NCF2: variants seen among roughly 807,000 people sequenced by gnomAD.
The protein encoded by NCF2 is neutrophil cytosolic factor 2.
A neutral mutation model predicts 70.9 loss-of-function variants in NCF2; 45 were observed. The observed-to-expected ratio is 0.63, with a 90% CI of 0.50 to 0.81. The LOEUF (loss-of-function observed/expected upper bound fraction) is 0.81, where lower values mean the gene tolerates loss of function less well. Ranked by LOEUF, NCF2 falls within the 40% of genes least tolerant of loss-of-function variation. NCF2 has a pLI of 0.00. For missense variants in NCF2, 522 were observed against 631.6 expected, an observed-to-expected ratio of 0.83 and a Z score of 1.86; for synonymous variants, 203 against 233.6, an observed-to-expected ratio of 0.87 and a Z score of 1.19.
intron 10 of NCF2, among the ~76,000 whole-genome samples, 173 bp downstream of exon 10, chr1:183,565,531 T>G (rs1444134984): frequency 6.6e-6 from 1 of 152,084 alleles, no homozygotes; most frequent in Non-Finnish European, 1.5e-5. Flanking sequence ...TGATTTCATG[T>G]TTGGGGTGGG....
intron 2 of NCF2, among the ~76,000 whole-genome samples, chr1:183,579,493 G>A (rs1213779754): frequency 2.6e-5 from 4 of 152,118 alleles, no homozygotes; most frequent in East Asian, 1.9e-4. Flanking sequence ...TTGGGAGACC[G>A]AGGCGGGTGG....
chr1:183,586,707 C>G (rs1353594584), intron 2 of NCF2, among the ~76,000 whole-genome samples, 188 bp downstream of exon 2: 2 of 152,170 alleles, frequency 1.3e-5, no homozygotes, highest in Non-Finnish European at 2.9e-5. Context: ...GGTGGCAGAC[C>G]TGCCTTGCCT....
chr1:183,567,904 G>C (rs567710297), intron 7 of NCF2, among the ~76,000 whole-genome samples: 1 of 152,026 alleles, frequency 6.6e-6, no homozygotes, highest in Non-Finnish European at 1.5e-5. Flanking sequence ...GTGCAGTGTC[G>C]GTTCCCTTAA....
At chr1:183,601,566 T>C in the NCF2 span, among the ~76,000 whole-genome samples, 1 of 152,116 alleles carries the variant, frequency 6.6e-6, no homozygotes, top group Non-Finnish European at 1.5e-5. Context: ...GGTTTTAAAA[T>C]GGTGAATCAG....
chr1:183,588,207 A>C (rs1230292579), intron 1 of NCF2, among the ~76,000 whole-genome samples: 1 of 152,220 alleles, frequency 6.6e-6, no homozygotes, highest in African/African-American at 2.4e-5. Context: ...TAAAGATACA[A>C]TTCCTATCCA....
At chr1:183,580,348 G>A (rs544019933) in intron 2 of NCF2, among the ~76,000 whole-genome samples, 5 of 152,220 alleles carry the variant, frequency 3.3e-5, no homozygotes, top group East Asian at 1.9e-4. Context: ...CCAGAAGTAC[G>A]CCAGAAATCA....
the NCF2 span, among the ~76,000 whole-genome samples, chr1:183,598,953 T>A: frequency 6.6e-6 from 1 of 152,146 alleles, no homozygotes; most frequent in African/African-American, 2.4e-5. Flanking sequence ...ATTCTAGAAG[T>A]GGTATCAAAG....
At chr1:183,589,704 G>C (rs1558108755) in intron 1 of NCF2, among the ~76,000 whole-genome samples, 1 of 152,116 alleles carries the variant, frequency 6.6e-6, no homozygotes, top group Non-Finnish European at 1.5e-5. Flanking sequence ...GCTATTTTTT[G>C]TAAGTGCCTC....
intron 14 of NCF2, among the ~76,000 whole-genome samples, chr1:183,559,419 C>T (rs948304683): frequency 6.6e-6 from 1 of 152,196 alleles, no homozygotes; most frequent in Non-Finnish European, 1.5e-5. Context: ...CTACTTTTCT[C>T]TTTGAAAAGT....
chr1:183,566,874 C>A (rs368741213), intron 9 of NCF2, 46 bp downstream of exon 9: 1 of 1,608,492 alleles, frequency 6.2e-7, no homozygotes, highest in African/African-American at 1.3e-5. Flanking sequence ...AGGGAGAGAT[C>A]CCTAAAGGGT....
intron 1 of NCF2, among the ~76,000 whole-genome samples, chr1:183,587,516 C>T (rs1479099190): frequency 3.5e-5 from 5 of 144,288 alleles, no homozygotes; most frequent in Non-Finnish European, 4.5e-5. Flanking sequence ...ATCGCTCAAG[C>T]CCAGGAGGTG....
chr1:183,568,642 G>A (rs747231701), intron 7 of NCF2, among the ~76,000 whole-genome samples: 1 of 150,386 alleles, frequency 6.6e-6, no homozygotes, highest in Non-Finnish European at 1.5e-5. Flanking sequence ...TGCCGATAGG[G>A]AGTGGAAAAC....
chr1:183,555,747 A>C lies in NCF2; in HGVS notation c.*371T>G. On this transcript the variant is annotated 3_prime_UTR_variant, in exon 15 of 15. Transcript: ENST00000367535. ...AGGTTTTTTTTTATTGTGGTATGAC[A>C]CAGAAAAGTGCACCAAATGTACAGC... 4.1e-6 allele frequency: 1 copy of C among 242,758 alleles called. No individual in the cohort carries two copies. The highest frequency in any genetic ancestry group is 2.2e-5 in the African/African-American group (1 of 44,684). 15.0% of individuals were successfully genotyped at this position (242,758 alleles called of 1,614,324 possible).
chr1:183,556,067 A>T lies in NCF2; in HGVS notation c.*51T>A. ...ACAGCAGAAGGGTGCTAAATCTTAC[A>T]AACAAGTAATAGGGCTTCATTTTCT... On this transcript the variant is annotated 3_prime_UTR_variant, in exon 15 of 15. Coordinates refer to ENST00000367535, the MANE Select transcript of NCF2 (RefSeq NM_000433.4). The T allele has an allele frequency of 6.7e-7, 1 of 1,485,256 alleles. No individual in the cohort carries two copies. The highest frequency in any genetic ancestry group is 9.4e-7 in the Non-Finnish European group (1 of 1,062,776). The allele number at this position is 1,485,256 out of a possible 1,614,324, so 92.0% of individuals were successfully genotyped here. A position where few individuals can be genotyped will look rare whatever the true frequency, so the allele number is the denominator to read the frequency against.
At chr1:183,566,156 C>T (rs1448899471) in intron 9 of NCF2, among the ~76,000 whole-genome samples, 1 of 152,228 alleles carries the variant, frequency 6.6e-6, no homozygotes. Context: ...GCATTTGAAG[C>T]TTTTCAAAGC....
Position 183,585,815 on chromosome 1 carries a change from A to G in NCF2, c.257+1080T>C, listed in dbSNP as rs953820314. The stretch of plus-strand genomic sequence containing the variant: ...GCAGGATGAGAGGGAGGAGGAATTG[A>G]GATTAACTTTCATTTTGAATTTATT... On this transcript the variant is annotated intron_variant, in intron 2 of 14. Coordinates refer to ENST00000367535, the MANE Select transcript of NCF2 (RefSeq NM_000433.4). 4.6e-5 allele frequency among the ~76,000 whole-genome samples: 7 copies of G among 152,278 alleles called. No homozygotes were observed. The East Asian group carries it at 1.3e-3, about 29-fold the overall frequency.
chr1:183,586,226 C>T lies in NCF2; in HGVS notation c.257+669G>A, dbSNP rs557539304. ...GCGCATGCCTGTAGTCCCAGCTACT[C>T]GGGAGGGTAAGCCAGGAGAATCGCT... On this transcript the variant is annotated intron_variant, in intron 2 of 14. Transcript: ENST00000367535. Among the ~76,000 whole-genome samples, 52 of 152,194 alleles carry T rather than the reference C, an allele frequency of 3.4e-4. 2 individuals are homozygous for T. In the South Asian group the frequency reaches 0.011, roughly 31 times the overall value.
intron 5 of NCF2, among the ~76,000 whole-genome samples, chr1:183,571,318 A>C (rs1672554591): frequency 6.6e-6 from 1 of 151,998 alleles, no homozygotes; most frequent in African/African-American, 2.4e-5. Flanking sequence ...GGTTTTCACC[A>C]TGTTGGCCAG....
At chr1:183,598,506 G>A in the NCF2 span, among the ~76,000 whole-genome samples, 2 of 151,958 alleles carry the variant, frequency 1.3e-5, no homozygotes, top group Admixed American at 6.6e-5. Flanking sequence ...TCTGACCAAG[G>A]AGAAATCCAA....
Sources: gnomAD v4.1 joint callset for allele counts (sites outside exome capture counted in the v4.1 genomes callset) on GRCh38, gnomAD v4.1.1 for gene constraint, MANE v1.5 for transcripts, NCBI Gene and HGNC (gene_info 2026-07-23, HGNC 2026-07-21) for gene names.